ANK2: variants seen among roughly 807,000 people sequenced by gnomAD.
ANK2 encodes the protein ankyrin 2.
Under a neutral mutation model 360.5 loss-of-function variants are expected in ANK2, and 83 were observed. The ratio of observed to expected loss-of-function variants is 0.23; its 90% CI spans 0.19 to 0.28. The LOEUF (loss-of-function observed/expected upper bound fraction) is 0.28. ANK2 is among the 10% of genes least tolerant of loss of function. The pLI is 1.00. For missense variants in ANK2, 4,201 were observed against 4,795.7 expected, an observed-to-expected ratio of 0.88 and a Z score of 3.66; for synonymous variants, 1,740 against 1,759.5, an observed-to-expected ratio of 0.99 and a Z score of 0.28.
chr4:113,278,611 AAC>A, intron 17 of ANK2, 53 bp downstream of exon 17: 1 of 1,540,982 alleles, frequency 6.5e-7, no homozygotes, highest in Admixed American at 1.7e-5. Flanking sequence ...ATCGCCTGAA[AAC>A]ACATGAGAAT....
intron 1 of ANK2, among the ~76,000 whole-genome samples, chr4:113,093,530 G>C (rs1322901426): frequency 6.6e-6 from 1 of 152,058 alleles, no homozygotes; most frequent in Non-Finnish European, 1.5e-5. Flanking sequence ...AGTAGAGACA[G>C]AGTTTCACCA....
At chr4:113,135,131 T>A (rs558543762) in intron 1 of ANK2, among the ~76,000 whole-genome samples, 1 of 151,864 alleles carries the variant, frequency 6.6e-6, no homozygotes, top group Non-Finnish European at 1.5e-5. Flanking sequence ...CTGATAACTG[T>A]GGGGTGTTTT....
At chr4:112,854,054 A>G (rs1186115249) in intron 1 of ANK2, among the ~76,000 whole-genome samples, 5 of 152,194 alleles carry the variant, frequency 3.3e-5, no homozygotes, top group Non-Finnish European at 7.3e-5. Context: ...GAAAATAAGG[A>G]CAATAGTGCG....
intron 2 of ANK2, among the ~76,000 whole-genome samples, chr4:112,965,793 G>A (rs1013613135): frequency 6.6e-6 from 1 of 151,960 alleles, no homozygotes; most frequent in Non-Finnish European, 1.5e-5. Context: ...GTATGAATTT[G>A]TTTTTGGGTT....
chr4:112,782,441 A>ATT, the ANK2 span, among the ~76,000 whole-genome samples: 4 of 152,364 alleles, frequency 2.6e-5, no homozygotes, highest in South Asian at 6.2e-4. Context: ...TACAAACAAT[A>ATT]GTAATGGAAT....
At chr4:113,054,678 A>G (rs2068720949) in intron 1 of ANK2, among the ~76,000 whole-genome samples, 2 of 152,160 alleles carry the variant, frequency 1.3e-5, no homozygotes, top group Non-Finnish European at 2.9e-5. Flanking sequence ...TTTGCCCTTT[A>G]TAAAATACCA....
chr4:113,202,131 G>T (rs888560459), intron 4 of ANK2, among the ~76,000 whole-genome samples: 3 of 151,754 alleles, frequency 2.0e-5, no homozygotes, highest in Admixed American at 6.6e-5. Context: ...ATCATTAATA[G>T]TTGAAAAAAA....
At chr4:113,316,578 T>G (rs2083085454) in intron 24 of ANK2, among the ~76,000 whole-genome samples, 1 of 152,344 alleles carries the variant, frequency 6.6e-6, no homozygotes, top group South Asian at 2.1e-4. Flanking sequence ...TAGCTAAAAG[T>G]AAATGAAAGT....
chr4:112,986,207 T>C (rs776882495), intron 2 of ANK2, among the ~76,000 whole-genome samples: 5 of 151,878 alleles, frequency 3.3e-5, no homozygotes, highest in African/African-American at 1.2e-4. Context: ...AGCTGTGTGA[T>C]AAATTATAGC....
chr4:112,774,130 C>T, the ANK2 span, among the ~76,000 whole-genome samples: 2 of 151,888 alleles, frequency 1.3e-5, no homozygotes, highest in African/African-American at 4.8e-5. Context: ...CGCGCCCAGC[C>T]GGAAATCTTT....
At chr4:113,284,622 G>T (rs1359204666) in intron 18 of ANK2, among the ~76,000 whole-genome samples, 1 of 152,094 alleles carries the variant, frequency 6.6e-6, no homozygotes, top group Non-Finnish European at 1.5e-5. Context: ...ACTCAGCAAT[G>T]AAGAAAAACA....
chr4:112,926,004 C>T (rs1362194505), intron 2 of ANK2, among the ~76,000 whole-genome samples: 1 of 152,116 alleles, frequency 6.6e-6, no homozygotes, highest in Admixed American at 6.5e-5. Flanking sequence ...ATTTTTTAGC[C>T]AACAGTGTGT....
At chr4:112,939,494 T>C (rs978245999) in intron 2 of ANK2, among the ~76,000 whole-genome samples, 14 of 151,708 alleles carry the variant, frequency 9.2e-5, no homozygotes, top group African/African-American at 2.9e-4. Flanking sequence ...TTTGTATTTT[T>C]AGTAGAGACA....
intron 2 of ANK2, among the ~76,000 whole-genome samples, chr4:112,951,510 T>G (rs2094996654): frequency 6.6e-6 from 1 of 152,226 alleles, no homozygotes; most frequent in Admixed American, 6.5e-5. Context: ...TAAATTCCTT[T>G]TCCTTCTAAT....
At chr4:113,076,451 A>T (rs974095608) in intron 1 of ANK2, among the ~76,000 whole-genome samples, 6 of 152,218 alleles carry the variant, frequency 3.9e-5, no homozygotes, top group Non-Finnish European at 8.8e-5. Flanking sequence ...TTTTTGAAGG[A>T]GATGATATTA....
intron 1 of ANK2, among the ~76,000 whole-genome samples, chr4:112,899,432 T>C (rs922565279): frequency 6.6e-6 from 1 of 152,168 alleles, no homozygotes; most frequent in South Asian, 2.1e-4. Flanking sequence ...GCATATACAA[T>C]TTCTTCTTTT....
Position 112,909,115 on chromosome 4 carries a change from C to T in ANK2, c.21+4601C>T, listed in dbSNP as rs572677301. On this transcript the variant is annotated intron_variant, in intron 2 of 30. Transcript: ENST00000503271. ...TGGGGAATAGAATACCTTGCATTAA[C>T]GTGATTATTGATAATTGTATATTTC... Among the ~76,000 whole-genome samples the T allele has an allele frequency of 1.9e-3, 285 of 152,298 alleles. 1 individual carries two copies. Among genetic ancestry groups the T allele is most frequent in the African/African-American group, 6.2e-3 (258 of 41,568 alleles).
chr4:113,352,288 T>A (rs2095461359), intron 37 of ANK2, among the ~76,000 whole-genome samples: 1 of 152,182 alleles, frequency 6.6e-6, no homozygotes, highest in African/African-American at 2.4e-5. Flanking sequence ...AATTGTTGTT[T>A]CTGTTGTTTT....
chr4:113,244,863 G>A (rs1224678247), intron 9 of ANK2, among the ~76,000 whole-genome samples: 2 of 152,100 alleles, frequency 1.3e-5, no homozygotes, highest in African/African-American at 2.4e-5. Flanking sequence ...AGACCATGTG[G>A]GGTTTGATTT....
Sources: allele counts gnomAD v4.1 joint callset (sites outside exome capture counted in the v4.1 genomes callset), GRCh38; gene constraint gnomAD v4.1.1; transcripts MANE v1.5; gene names NCBI Gene and HGNC (gene_info 2026-07-23, HGNC 2026-07-21).